The following RGL1 variants were observed in gnomAD, a reference collection of about 807,000 sequenced individuals.
RGL1 encodes the protein ral guanine nucleotide dissociation stimulator like 1, also known as ral guanine nucleotide dissociation stimulator-like 1.
RGL1 carries 24 observed loss-of-function variants against 95.2 expected under a neutral mutation model. The ratio of observed to expected loss-of-function variants is 0.25; its 90% CI spans 0.18 to 0.35. The LOEUF is 0.35. Among genes scored for constraint, RGL1 ranks in the 10% least tolerant of loss-of-function variants. RGL1 has a pLI of 1.00. For missense variants in RGL1, 715 were observed against 936.3 expected (o/e 0.76, Z 3.08); for synonymous variants, 329 against 344.9 (o/e 0.95, Z 0.51).
chr1:183,865,953 C>A, intron 3 of RGL1, 43 bp from the exon 4 acceptor site: 1 of 1,400,804 alleles, frequency 7.1e-7, no homozygotes, highest in Non-Finnish European at 1.0e-6. Flanking sequence ...CTTTCCAACA[C>A]CACTGACTGT....
chr1:183,760,744 C>A (rs1054740651), intron 2 of RGL1, among the ~76,000 whole-genome samples: 1 of 152,082 alleles, frequency 6.6e-6, no homozygotes, highest in African/African-American at 2.4e-5. Context: ...GAGAGCAAGA[C>A]CCTATCTTTA....
chr1:183,849,482 A>AT (rs150367802), intron 3 of RGL1, among the ~76,000 whole-genome samples: 4 of 99,402 alleles, frequency 4.0e-5, no homozygotes, highest in East Asian at 3.1e-4. Context: ...TCCAGTTTTT[A>AT]GTTTTTTTTT....
At chr1:183,637,956 A>G (rs1002700103) in intron 1 of RGL1, among the ~76,000 whole-genome samples, 1 of 152,152 alleles carries the variant, frequency 6.6e-6, no homozygotes, top group African/African-American at 2.4e-5. Flanking sequence ...TAATCAGTAT[A>G]CTTTAGCTGT....
At chr1:183,856,569 G>A (rs1443525320) in intron 3 of RGL1, among the ~76,000 whole-genome samples, 3 of 150,968 alleles carry the variant, frequency 2.0e-5, no homozygotes, top group African/African-American at 7.3e-5. Flanking sequence ...TCAGCTCCAG[G>A]AAGCATGGCT....
chr1:183,904,850 G>T lies in RGL1; in HGVS notation c.1351G>T (p.Glu451Ter). 6.2e-7 allele frequency: 1 copy of T among 1,604,208 alleles called. No individual in the cohort carries two copies. The highest frequency in any genetic ancestry group is 1.1e-5 in the South Asian group (1 of 88,556). ...ATTTTTGGTATTCTGTCTGCTTTAG[G>T]AATTTGAAGTGATTGCCCAGATAAA... ...GLINFEKRRR[E>*]FEVIAQIKLL... is the part of the protein sequence containing the mutation. Residue 451 changes from glutamate to a stop codon, truncating the protein, a stop_gained and splice_region_variant, in exon 13 of 18, where the codon GAA becomes TAA. Transcript: ENST00000360851. LOFTEE classifies it high-confidence loss of function.
At chr1:183,671,938 C>CTT (rs545807956) in intron 1 of RGL1, among the ~76,000 whole-genome samples, 24 of 137,928 alleles carry the variant, frequency 1.7e-4, no homozygotes, top group African/African-American at 5.3e-4. Context: ...TTTTTTTTTT[C>CTT]TTTTTTTTTT....
At chr1:183,890,582 TAACTTATTTGGAC>T (rs1667359213) in intron 8 of RGL1, among the ~76,000 whole-genome samples, 5 of 152,182 alleles carry the variant, frequency 3.3e-5, no homozygotes, top group Admixed American at 1.3e-4. Context: ...AGGATTAAGA[TAACTTATTTGGAC>T]ATGGTACATC....
In RGL1 at chr1:183,916,580, T is replaced by G; in HGVS notation, c.1883T>G (p.Val628Gly). The change falls in exon 16 of 18, where the codon GTC becomes GGC. Residue 628 changes from valine to glycine, a missense_variant. This residue lies in a region of RGL1 where 330 missense variants were observed against 429.6 expected (regional missense o/e 0.77). Transcript: ENST00000360851. ...NNNPKIHKRS[V>G]SVTSITSTVL... is the part of the protein sequence containing the mutation. The stretch of plus-strand genomic sequence containing the variant: ...AACCCCAAAATCCACAAGCGCTCTG[T>G]CTCGGTGACGTCCATTACCTCGACT... The G allele has an allele frequency of 1.2e-6, 2 of 1,613,880 alleles. No individual in the cohort carries two copies. Among genetic ancestry groups the G allele is most frequent in the Non-Finnish European group, 1.7e-6 (2 of 1,179,982 alleles).
chr1:183,859,190 G>T (rs1167955190), intron 3 of RGL1, among the ~76,000 whole-genome samples: 1 of 152,188 alleles, frequency 6.6e-6, no homozygotes, highest in Non-Finnish European at 1.5e-5. Flanking sequence ...TGAACTAGAA[G>T]TGGAAGGAGT....
intron 2 of RGL1, among the ~76,000 whole-genome samples, chr1:183,742,661 A>AGG (rs1657383424): frequency 6.6e-6 from 1 of 151,814 alleles, no homozygotes; most frequent in Non-Finnish European, 1.5e-5. Context: ...TTGTTGTTGA[A>AGG]GTTTCATTTG....
At chr1:183,658,080 G>A (rs180825925) in intron 1 of RGL1, among the ~76,000 whole-genome samples, 4 of 152,098 alleles carry the variant, frequency 2.6e-5, no homozygotes, top group Admixed American at 2.0e-4. Context: ...GGGTGGAGCC[G>A]AGATGGCCGA....
intron 3 of RGL1, among the ~76,000 whole-genome samples, chr1:183,859,362 A>G (rs1275377010): frequency 6.6e-6 from 1 of 152,244 alleles, no homozygotes; most frequent in Non-Finnish European, 1.5e-5. Context: ...AAGTTGTGGC[A>G]GGAGAGAACT....
intron 2 of RGL1, among the ~76,000 whole-genome samples, chr1:183,844,389 A>G (rs1347325743): frequency 1.3e-5 from 2 of 152,236 alleles, no homozygotes; most frequent in Admixed American, 6.5e-5. Context: ...AAATTTTTCA[A>G]AGTATGTGCA....
chr1:183,888,809 G>T (rs750033928), intron 8 of RGL1, among the ~76,000 whole-genome samples: 33 of 152,158 alleles, frequency 2.2e-4, no homozygotes, highest in Non-Finnish European at 3.2e-4. Context: ...TGGCTTTGGG[G>T]ATGATTTGAA....
chr1:183,892,137 G>C lies in RGL1; in HGVS notation c.1116G>C (p.Leu372Phe), dbSNP rs758678455. 1 of 1,612,322 alleles carries C rather than the reference G, an allele frequency of 6.2e-7. No homozygotes were observed. The highest frequency in any genetic ancestry group is 8.5e-7 in the Non-Finnish European group (1 of 1,179,008). ...TCTTCTCAGACCATAATAACCATTTGACCAGCCGAGAACTACTGATGAAGG... is the reference window on the plus strand; with the variant it reads ...TCTTCTCAGACCATAATAACCATTTCACCAGCCGAGAACTACTGATGAAGG... ...SDIFSDHNNH[L>F]TSRELLMKEG... is the part of the protein sequence containing the mutation. The change falls in exon 9 of 18, where the codon TTG becomes TTC. Residue 372 changes from leucine (L) to phenylalanine (F), a missense_variant. Leu to Phe is a conservative substitution (Grantham distance 22). Around this residue, in one of 3 missense-constraint regions of RGL1, gnomAD observed 381 missense variants for 484.8 expected, o/e 0.79. Coordinates refer to ENST00000360851, the MANE Select transcript of RGL1 (RefSeq NM_001297671.3).
chr1:183,892,220 G>C, intron 9 of RGL1, 59 bp downstream of exon 9: 1 of 1,282,456 alleles, frequency 7.8e-7, no homozygotes, highest in Admixed American at 1.8e-5. Flanking sequence ...ATCCATTCAA[G>C]GAAGAGTAGT....
intron 1 of RGL1, among the ~76,000 whole-genome samples, chr1:183,656,144 C>T (rs1312629166): frequency 2.1e-5 from 3 of 146,094 alleles, no homozygotes; most frequent in African/African-American, 5.1e-5. Flanking sequence ...CAGGAGATTC[C>T]GGCACAAGGA....
intron 1 of RGL1, among the ~76,000 whole-genome samples, chr1:183,700,633 C>T (rs1418851238): frequency 1.3e-5 from 2 of 149,662 alleles, no homozygotes; most frequent in South Asian, 2.1e-4. Context: ...GCAACCTCTG[C>T]CTCCCGGGTT....
chr1:183,838,870 C>T (rs1438349963), intron 2 of RGL1, among the ~76,000 whole-genome samples: 1 of 152,216 alleles, frequency 6.6e-6, no homozygotes, highest in African/African-American at 2.4e-5. Flanking sequence ...TGAACTCACA[C>T]TACCAACATG....
Sources: gnomAD v4.1 joint callset for allele counts (sites outside exome capture counted in the v4.1 genomes callset) on GRCh38, gnomAD v4.1.1 for gene constraint, gnomAD v4.1.1 regional missense constraint, MANE v1.5 for transcripts, NCBI Gene and HGNC (gene_info 2026-07-23, HGNC 2026-07-21) for gene names.